The following DNAAF5 variants were observed in gnomAD, a reference collection of about 807,000 sequenced individuals.
DNAAF5 encodes dynein axonemal assembly factor 5, also known as HEAT repeat containing 2.
A neutral mutation model predicts 75.8 loss-of-function variants in DNAAF5; 64 were observed. That is an observed-to-expected ratio of 0.84 (90% CI 0.69 to 1.04). DNAAF5 has a LOEUF of 1.04. DNAAF5 is among the 50% of genes least tolerant of loss of function. DNAAF5 has a pLI of 0.00. For synonymous variants in DNAAF5, 657 were observed against 557.2 expected (o/e 1.18, Z -2.52); for missense variants, 1,269 against 1,178.5 (o/e 1.08, Z -1.12).
chr7:746,319 G>T (rs537295033), intron 4 of DNAAF5, among the ~76,000 whole-genome samples: 2 of 108,552 alleles, frequency 1.8e-5, no homozygotes, highest in East Asian at 2.8e-4. Flanking sequence ...ACTTTCCCCC[G>T]CCCGTCATGC....
Position 756,819 on chromosome 7 carries a change from G to T in DNAAF5, c.1295G>T (p.Ser432Ile). ...RSAELVGTFV[S>I]PEVFLKLILS... ...GCAGAGCTCGTCGGGACGTTTGTCA[G>T]CCCTGAGGTGTTTCTGAAGCTGATC... is the stretch of plus-strand genomic sequence containing the variant. The change falls in exon 6 of 13, where the codon AGC becomes ATC. Residue 432 changes from serine to isoleucine, a missense_variant. Transcript: ENST00000297440. 1 of 1,614,020 alleles carries T rather than the reference G, an allele frequency of 6.2e-7. No homozygotes were observed. Among genetic ancestry groups the T allele is most frequent in the Non-Finnish European group, 8.5e-7 (1 of 1,180,012 alleles).
chr7:769,726 C>A (rs1370903170), intron 8 of DNAAF5, among the ~76,000 whole-genome samples: 1 of 152,140 alleles, frequency 6.6e-6, no homozygotes, highest in Admixed American at 6.5e-5. Context: ...AGTGCGATCT[C>A]AGCTCACCGC....
At position 741,500 on chromosome 7, in the gene DNAAF5, C is replaced by T. The variant is rs753887283; in HGVS notation, c.1024+35C>T. The T allele has an allele frequency of 1.8e-5, 22 of 1,253,248 alleles. No homozygotes were observed. In the South Asian group the frequency reaches 2.0e-4, roughly 12 times the overall value. 77.6% of individuals were successfully genotyped at this position (1,253,248 alleles called of 1,614,324 possible). A position where few individuals can be genotyped will look rare whatever the true frequency, so the allele number is the denominator to read the frequency against. On this transcript the variant is annotated intron_variant, in intron 4 of 12. Transcript: ENST00000297440. ...CGCGGCAGAGGGGAGCGCCAGGAGG[C>T]GAGCCCTTGTTGGGTGGGAAAGGGG...
chr7:741,558 A>C, intron 4 of DNAAF5, 93 bp downstream of exon 4: 1 of 798,496 alleles, frequency 1.3e-6, no homozygotes, highest in Non-Finnish European at 2.0e-6. Flanking sequence ...CAGCTCTTGC[A>C]GTTCTGAGCC....
At chr7:731,936 G>C (rs969929125) in intron 2 of DNAAF5, among the ~76,000 whole-genome samples, 2 of 152,120 alleles carry the variant, frequency 1.3e-5, no homozygotes, top group African/African-American at 4.8e-5. Context: ...CAACAACCCA[G>C]GGACTGGTGC....
intron 12 of DNAAF5, among the ~76,000 whole-genome samples, chr7:783,929 T>C (rs1779065238): frequency 6.6e-6 from 1 of 151,892 alleles, no homozygotes; most frequent in Non-Finnish European, 1.5e-5. Flanking sequence ...TCCCCAGGAC[T>C]GCACAGGGCA....
intron 4 of DNAAF5, among the ~76,000 whole-genome samples, chr7:751,763 G>A (rs191073157): frequency 1.1e-3 from 166 of 151,928 alleles, no homozygotes; most frequent in African/African-American, 3.9e-3. Flanking sequence ...TAGTAGAGAC[G>A]GGGTTTCACC....
At position 729,577 on chromosome 7, in the gene DNAAF5, G is replaced by A; in HGVS notation, c.596-86G>A. ...AGGAAGGGAGGTGAGGAACTCATAG[G>A]CAGGCAGCCGTCCTCTGGAAGCCCA... On this transcript the variant is annotated intron_variant, in intron 1 of 12. Transcript: ENST00000297440. 6 of 1,314,912 alleles carry A rather than the reference G, an allele frequency of 4.6e-6. No individual in the cohort carries two copies. In the South Asian group the frequency reaches 6.8e-5, roughly 15 times the overall value. The allele number at this position is 1,314,912 out of a possible 1,614,324, so 81.5% of individuals were successfully genotyped here. A position where few individuals can be genotyped will look rare whatever the true frequency, so the allele number is the denominator to read the frequency against.
intron 2 of DNAAF5, among the ~76,000 whole-genome samples, chr7:737,967 G>C (rs1781788504): frequency 6.6e-6 from 1 of 152,126 alleles, no homozygotes; most frequent in Non-Finnish European, 1.5e-5. Flanking sequence ...TCTAGGTTTG[G>C]AAAATTCTTT....
chr7:734,385 T>C (rs940175512), intron 2 of DNAAF5, among the ~76,000 whole-genome samples: 13 of 152,268 alleles, frequency 8.5e-5, no homozygotes, highest in Admixed American at 2.0e-4. Context: ...TCTGCCGATA[T>C]GATGTGTCAC....
chr7:736,927 A>G (rs1223922664), intron 2 of DNAAF5, among the ~76,000 whole-genome samples: 1 of 152,094 alleles, frequency 6.6e-6, no homozygotes, highest in Non-Finnish European at 1.5e-5. Context: ...CATTATTTTA[A>G]ACTGATAGCT....
chr7:729,405 C>T (rs372840752), intron 1 of DNAAF5, among the ~76,000 whole-genome samples: 12 of 152,210 alleles, frequency 7.9e-5, no homozygotes, highest in East Asian at 7.7e-4. Context: ...AGCCTTTCCC[C>T]GCTGGTCCTC....
At chr7:782,519 C>T (rs1778998494) in intron 12 of DNAAF5, among the ~76,000 whole-genome samples, 1 of 146,000 alleles carries the variant, frequency 6.8e-6, no homozygotes, top group African/African-American at 2.6e-5. Context: ...CACGCGGCGT[C>T]AGAAACTCGC....
At chr7:741,589 G>C in intron 4 of DNAAF5, 124 bp downstream of exon 4, 1 of 637,946 alleles carries the variant, frequency 1.6e-6, no homozygotes, top group East Asian at 2.8e-5. Flanking sequence ...CGTCGGAAAG[G>C]TGCAGGCGTC....
Position 785,796 on chromosome 7 carries a change from T to C in DNAAF5, c.*143T>C. 1.2e-6 allele frequency: 1 copy of C among 844,032 alleles called. No homozygotes were observed. Among genetic ancestry groups the C allele is most frequent in the South Asian group, 1.8e-5 (1 of 54,680 alleles). The allele number at this position is 844,032 out of a possible 1,614,324, so 52.3% of individuals were successfully genotyped here. ...TACTCCTCAGGACACCTGCCCACTC[T>C]TTCCCTGGAATAACAGCCTCTGAGT... On this transcript the variant is annotated 3_prime_UTR_variant, in exon 13 of 13. Transcript: ENST00000297440.
chr7:738,587 A>AG (rs1265031307), intron 2 of DNAAF5, among the ~76,000 whole-genome samples: 2 of 151,434 alleles, frequency 1.3e-5, no homozygotes, highest in African/African-American at 4.9e-5. Context: ...TTTTAGAAAA[A>AG]AAAATTGAAA....
At position 763,972 on chromosome 7, in the gene DNAAF5, C is replaced by CA; in HGVS notation, c.1782dup (p.Gly595ArgfsTer153). 1 of 1,602,574 alleles carries CA rather than the reference C, an allele frequency of 6.2e-7. No individual in the cohort carries two copies. The highest frequency in any genetic ancestry group is 1.1e-5 in the South Asian group (1 of 91,058). ...CAGTTCAGTGTCATCGTCGCACAGT[C>CA]AGGTGAGCCGTCCCGACAGCTGGCG... On this transcript the variant is annotated frameshift_variant and splice_region_variant, in exon 8 of 13. Coordinates refer to ENST00000297440, the MANE Select transcript of DNAAF5 (RefSeq NM_017802.4). LOFTEE classifies it high-confidence loss of function.
At chr7:747,225 G>A (rs34766380) in intron 4 of DNAAF5, among the ~76,000 whole-genome samples, 120,636 of 152,214 alleles carry the variant, frequency 0.79, 47,970 homozygotes, top group South Asian at 0.87. Flanking sequence ...GCGCCATGTC[G>A]CATCCCCACG....
intron 1 of DNAAF5, 79 bp from the exon 2 acceptor site, chr7:729,584 G>A: frequency 7.1e-7 from 1 of 1,406,010 alleles, no homozygotes; most frequent in African/African-American, 1.4e-5. Context: ...TAGGCAGGCA[G>A]CCGTCCTCTG....
Sources: allele counts gnomAD v4.1 joint callset (sites outside exome capture counted in the v4.1 genomes callset), GRCh38; gene constraint gnomAD v4.1.1; transcripts MANE v1.5; gene names NCBI Gene and HGNC (gene_info 2026-07-23, HGNC 2026-07-21).